The following CELSR1 variants were observed in gnomAD, a reference collection of about 807,000 sequenced individuals.
The protein encoded by CELSR1 is cadherin EGF LAG seven-pass G-type receptor 1, also known as adhesion G protein-coupled receptor C1.
A neutral mutation model predicts 249.1 loss-of-function variants in CELSR1; 110 were observed. That is an observed-to-expected ratio of 0.44 (90% confidence interval 0.38 to 0.52). CELSR1 has a LOEUF of 0.52. CELSR1 is among the 20% of genes least tolerant of loss of function. The pLI, the probability that CELSR1 is intolerant of heterozygous loss-of-function variation, is 0.00. For missense variants in CELSR1, 4,109 were observed against 4,296.4 expected (o/e 0.96, Z 1.22); for synonymous variants, 2,113 against 1,900.0 (o/e 1.11, Z -2.92).
rs1047639727 is a variant in CELSR1 at position 46,429,436 on chromosome 22, G to A, written c.4611+3957C>T. On this transcript the variant is annotated intron_variant, in intron 5 of 34. Transcript: ENST00000674500. The surrounding 1 kb of genome is among the most constrained non-coding windows in gnomAD (Gnocchi z 4.1). ...CAAACCTCCCGGCGTGGCTGTGGGC[G>A]TGGGGGCTGTGTTGTTCATCTGTGC... is the stretch of plus-strand genomic sequence containing the variant. 2.0e-5 allele frequency among the ~76,000 whole-genome samples: 3 copies of A among 152,218 alleles called. No individual in the cohort carries two copies. The highest frequency in any genetic ancestry group is 1.9e-4 in the East Asian group (1 of 5,194).
rs760019577 is a variant in CELSR1 at position 46,363,955 on chromosome 22, G to A, written c.9035+41C>T. ...TCTCTCTCCTGACTCAGGACAAGGG[G>A]GAAGTGGGTGATCCCCGCCCTGGAG... On this transcript the variant is annotated intron_variant, in intron 34 of 34. Coordinates refer to ENST00000674500, the MANE Select transcript of CELSR1 (RefSeq NM_001378328.1). The surrounding 1 kb of genome is among the most constrained non-coding windows in gnomAD (Gnocchi z 4.3). 1.7e-5 allele frequency: 26 copies of A among 1,536,022 alleles called. No homozygotes were observed. Among genetic ancestry groups the A allele is most frequent in the Admixed American group, 4.3e-5 (2 of 46,006 alleles).
At chr22:46,485,929 CTTTTTTTTTTTTTTT>C (rs77749125) in intron 1 of CELSR1, among the ~76,000 whole-genome samples, 46 of 104,774 alleles carry the variant, frequency 4.4e-4, no homozygotes, top group African/African-American at 1.4e-3. Context: ...CTTTCAGGTA[CTTTTTTTTTTTTTTT>C]TTTTTTTTTT....
At position 46,367,791 on chromosome 22, in the gene CELSR1, G is replaced by A. The variant is rs754064111; in HGVS notation, c.8017C>T (p.Leu2673=). ...CTCAGTGCATCGCGGTTCACAGCCA[G>A]CAGCCCCAGCAGCCAGGTGGCGCTG... ...LISATWLLGL[L]AVNRDALSFH... Residue 2673 remains leucine (L), a synonymous_variant, in exon 28 of 35, where the codon CTG becomes TTG. Transcript: ENST00000674500. 11 of 1,611,402 alleles carry A rather than the reference G, an allele frequency of 6.8e-6. No homozygotes were observed. In the South Asian group the frequency reaches 1.2e-4, roughly 18 times the overall value.
At position 46,484,348 on chromosome 22, in the gene CELSR1, C is replaced by T. The variant is rs554387741; in HGVS notation, c.3545-20003G>A. ...CCAGCCCAGCCCATGGTGGCAGCTGCCTCGGGCCCAGCCCTCCTCAGAAAT... is the reference window on the plus strand; with the variant it reads ...CCAGCCCAGCCCATGGTGGCAGCTGTCTCGGGCCCAGCCCTCCTCAGAAAT... On this transcript the variant is annotated intron_variant, in intron 1 of 34. Transcript: ENST00000674500. This position sits in a 1 kb window ranked among gnomAD's most constrained non-coding sequence, Gnocchi z 4.5. 3.3e-5 allele frequency among the ~76,000 whole-genome samples: 5 copies of T among 152,274 alleles called. No homozygotes were observed. Among genetic ancestry groups the T allele is most frequent in the Non-Finnish European group, 7.4e-5 (5 of 68,022 alleles).
intron 1 of CELSR1, among the ~76,000 whole-genome samples, chr22:46,511,280 C>G (rs1448072061): frequency 6.6e-6 from 1 of 152,132 alleles, no homozygotes; most frequent in East Asian, 1.9e-4. Flanking sequence ...CAAGGGCACA[C>G]CTGGAGACTC....
chr22:46,372,840 G>A (rs1266942185), intron 25 of CELSR1, 43 bp downstream of exon 25: 2 of 1,560,136 alleles, frequency 1.3e-6, no homozygotes, highest in Non-Finnish European at 1.7e-6. Flanking sequence ...GGGGTCTGTT[G>A]GAAATCTGTG....
rs2079570251 is a variant in CELSR1 at position 46,429,445 on chromosome 22, G to A, written c.4611+3948C>T. Among the ~76,000 whole-genome samples, 1 of 152,240 alleles carries A rather than the reference G, an allele frequency of 6.6e-6. No homozygotes were observed. Among genetic ancestry groups the A allele is most frequent in the Non-Finnish European group, 1.5e-5 (1 of 68,040 alleles). On this transcript the variant is annotated intron_variant, in intron 5 of 34. Coordinates refer to ENST00000674500, the MANE Select transcript of CELSR1 (RefSeq NM_001378328.1). The surrounding 1 kb of genome is among the most constrained non-coding windows in gnomAD (Gnocchi z 4.1). The stretch of plus-strand genomic sequence containing the variant: ...CGGCGTGGCTGTGGGCGTGGGGGCT[G>A]TGTTGTTCATCTGTGCTTGGCGGAG...
rs1168263572 is a variant in CELSR1, at chr22:46,380,017, A to T, written c.7256+771T>A. Among the ~76,000 whole-genome samples the T allele has an allele frequency of 2.0e-5, 3 of 152,220 alleles. No individual in the cohort carries two copies. The highest frequency in any genetic ancestry group is 1.5e-5 in the Non-Finnish European group (1 of 68,034). ...GGCAAGCTCCCTGTAACGATAGAGC[A>T]ACTCAAATGTCCACACCTCACGTGA... is the stretch of plus-strand genomic sequence containing the variant. On this transcript the variant is annotated intron_variant, in intron 22 of 34. Coordinates refer to ENST00000674500, the MANE Select transcript of CELSR1 (RefSeq NM_001378328.1). This position sits in a 1 kb window ranked among gnomAD's most constrained non-coding sequence, Gnocchi z 5.1.
In CELSR1 at chr22:46,419,710, TCA is replaced by T. The variant is rs1055348639; in HGVS notation, c.4612-7953_4612-7952del. Among the ~76,000 whole-genome samples the T allele has an allele frequency of 8.4e-4, 128 of 152,206 alleles. 1 individual carries two copies. The highest frequency in any genetic ancestry group is 2.6e-3 in the African/African-American group (110 of 41,522). On this transcript the variant is annotated intron_variant, in intron 5 of 34. Transcript: ENST00000674500. ...ACCAAAAATGTGTACACTCGCCCAC[TCA>T]CACTCACGTGTGTACACTCACCCAC...
rs535084730 is a variant in CELSR1, at chr22:46,436,885, C to A, written c.4407-596G>T. On this transcript the variant is annotated intron_variant, in intron 3 of 34. Transcript: ENST00000674500. This position sits in a 1 kb window ranked among gnomAD's most constrained non-coding sequence, Gnocchi z 5.9. ...GTCAACCCAGCTGTACTTGCCCTGA[C>A]TCATTGTACTCTACCTTGCCCTTAC... is the stretch of plus-strand genomic sequence containing the variant. Among the ~76,000 whole-genome samples, 18 of 152,242 alleles carry A rather than the reference C, an allele frequency of 1.2e-4. No homozygotes were observed. The highest frequency in any genetic ancestry group is 2.5e-4 in the Non-Finnish European group (17 of 68,028).
chr22:46,458,412 CAGG>C (rs914382578), intron 2 of CELSR1, among the ~76,000 whole-genome samples: 4 of 152,296 alleles, frequency 2.6e-5, no homozygotes, highest in South Asian at 2.1e-4. Context: ...GCAGGGAGGG[CAGG>C]AGAAGGCCCC....
In CELSR1 at chr22:46,534,155, G is replaced by C; in HGVS notation, c.3016C>G (p.Leu1006Val). 6.2e-7 allele frequency: 1 copy of C among 1,613,858 alleles called. No homozygotes were observed. The highest frequency in any genetic ancestry group is 8.5e-7 in the Non-Finnish European group (1 of 1,180,046). ...APMFEKDELE[L>V]FVEENNPVGS... ...ACTGGGTTGTTCTCCTCAACAAACA[G>C]CTCCAGTTCGTCCTTCTCAAACATG... The change falls in exon 1 of 35, where the codon CTG (leucine) becomes GTG (valine). Residue 1006 changes from leucine (L) to valine (V), a missense_variant. Physicochemically the swap from Leu to Val is conservative, Grantham distance 32 (BLOSUM62 1). This residue lies in a region of CELSR1 where 886 missense variants were observed against 896.5 expected (regional missense o/e 0.99). Coordinates refer to ENST00000674500, the MANE Select transcript of CELSR1 (RefSeq NM_001378328.1). This position sits in a 1 kb window ranked among gnomAD's most constrained non-coding sequence, Gnocchi z 9.7.
At chr22:46,452,353 A>C (rs2079895809) in intron 2 of CELSR1, among the ~76,000 whole-genome samples, 1 of 152,228 alleles carries the variant, frequency 6.6e-6, no homozygotes, top group Non-Finnish European at 1.5e-5. Flanking sequence ...CAGCGGCATG[A>C]GGACCCAGTG....
At chr22:46,444,165 G>T (rs1461951585) in intron 2 of CELSR1, among the ~76,000 whole-genome samples, 6 of 152,212 alleles carry the variant, frequency 3.9e-5, no homozygotes, top group African/African-American at 1.2e-4. Flanking sequence ...ACCTGCTCCG[G>T]GTCGGAACTC....
In CELSR1 at chr22:46,383,997, A is replaced by G. The variant is rs534480752; in HGVS notation, c.6883+546T>C. Among the ~76,000 whole-genome samples the G allele has an allele frequency of 2.0e-4, 30 of 151,668 alleles. 1 individual carries two copies. The East Asian group carries it at 5.7e-3, about 29-fold the overall frequency. On this transcript the variant is annotated intron_variant, in intron 20 of 34. Coordinates refer to ENST00000674500, the MANE Select transcript of CELSR1 (RefSeq NM_001378328.1). ...TGAGACGGAGTCTTACCAGGCTGGCATATCTCGGCTCACTACAACCTCTGC... is the reference window on the plus strand; with the variant it reads ...TGAGACGGAGTCTTACCAGGCTGGCGTATCTCGGCTCACTACAACCTCTGC...
At chr22:46,498,167 T>A (rs1355478026) in intron 1 of CELSR1, among the ~76,000 whole-genome samples, 1 of 147,064 alleles carries the variant, frequency 6.8e-6, no homozygotes, top group African/African-American at 2.6e-5. Flanking sequence ...GAGAATCACT[T>A]TAACACGGGA....
In CELSR1 at chr22:46,391,253, G is replaced by A. The variant is rs775477717; in HGVS notation, c.6183C>T (p.Ala2061=). 3.8e-5 allele frequency: 62 copies of A among 1,613,642 alleles called. No individual in the cohort carries two copies. The Middle Eastern group carries it at 8.2e-4, about 21-fold the overall frequency. ...ACTTGGTCTGTGGCCACCAGATGCC[G>A]GCCTCAAATGCTTTGGGACAGCCAT... is the stretch of plus-strand genomic sequence containing the variant. ...IYNGCPKAFE[A]GIWWPQTKFG... Residue 2061 remains alanine, a synonymous_variant, in exon 16 of 35, where the codon GCC becomes GCT. Transcript: ENST00000674500. This position sits in a 1 kb window ranked among gnomAD's most constrained non-coding sequence, Gnocchi z 4.3.
At chr22:46,520,139 G>A (rs949542740) in intron 1 of CELSR1, among the ~76,000 whole-genome samples, 5 of 152,130 alleles carry the variant, frequency 3.3e-5, no homozygotes, top group Admixed American at 3.3e-4. Context: ...CTCCCAAAGT[G>A]CTGGAATTAC....
Position 46,445,806 on chromosome 22 carries a change from C to G in CELSR1, c.4184-6395G>C, listed in dbSNP as rs2079812856. ...TCGGAGGTGGAAGCGTCCAGGACTC[C>G]CCGGGTGCTGTTCTCCCTGCTTGCA... On this transcript the variant is annotated intron_variant, in intron 2 of 34. Transcript: ENST00000674500. The surrounding 1 kb of genome is among the most constrained non-coding windows in gnomAD (Gnocchi z 4.4). Among the ~76,000 whole-genome samples the G allele has an allele frequency of 6.6e-6, 1 of 152,194 alleles. No individual in the cohort carries two copies. The highest frequency in any genetic ancestry group is 2.4e-5 in the African/African-American group (1 of 41,464).
Sources: allele counts gnomAD v4.1 joint callset (sites outside exome capture counted in the v4.1 genomes callset), GRCh38; gene constraint gnomAD v4.1.1; regional missense constraint gnomAD v4.1.1; non-coding constraint Gnocchi (gnomAD v3.1); transcripts MANE v1.5; gene names NCBI Gene and HGNC (gene_info 2026-07-23, HGNC 2026-07-21).